Variants in ACTN3 observed in about 807,000 individuals in gnomAD.
ACTN3 encodes alpha-actinin-3.
Under a neutral mutation model 119.6 loss-of-function variants are expected in ACTN3, and 91 were observed. The ratio of observed to expected loss-of-function variants is 0.76; its 90% CI spans 0.64 to 0.91. ACTN3 has a LOEUF of 0.91. Among genes scored for constraint, ACTN3 ranks in the 40% least tolerant of loss-of-function variants. ACTN3 has a pLI of 0.00. For missense variants in ACTN3, 1,221 were observed against 1,215.1 expected (o/e 1.00, Z -0.07); for synonymous variants, 456 against 478.8 (o/e 0.95, Z 0.62).
chr11:66,557,079 G>A, intron 8 of ACTN3, 54 bp from the exon 9 acceptor site: 2 of 1,516,182 alleles, frequency 1.3e-6, no homozygotes, highest in South Asian at 2.4e-5. Flanking sequence ...GGTTTTAAGG[G>A]CTTTACAGAA....
intron 20 of ACTN3, 32 bp downstream of exon 20, chr11:66,562,986 C>A: frequency 6.2e-7 from 1 of 1,608,852 alleles, no homozygotes; most frequent in Non-Finnish European, 8.5e-7. Flanking sequence ...GGCTGGTGGG[C>A]TAGGGCAGGG....
Position 66,561,550 on chromosome 11 carries a change from G to A in ACTN3, c.2088G>A (p.Lys696=), listed in dbSNP as rs768146787. The change falls in exon 17 of 21, where the codon AAG becomes AAA. Residue 696 remains lysine (K), a synonymous_variant. Coordinates refer to ENST00000513398, the MANE Select transcript of ACTN3 (RefSeq NM_001104.4). ...AGGAGCAGAACATTATCAACTACAA[G>A]ACTAACATTGACCGGCTGGAGGGTG... ...RQQEQNIINY[K]TNIDRLEGDH... 1.2e-6 allele frequency: 2 copies of A among 1,612,360 alleles called. No individual in the cohort carries two copies. Among genetic ancestry groups the A allele is most frequent in the Non-Finnish European group, 8.5e-7 (1 of 1,179,244 alleles).
At chr11:66,556,322 G>T in intron 8 of ACTN3, 92 bp downstream of exon 8, 1 of 1,262,802 alleles carries the variant, frequency 7.9e-7, no homozygotes, top group Non-Finnish European at 1.1e-6. Flanking sequence ...GACCACGGAG[G>T]TTGGAGTGCC....
intron 19 of ACTN3, 137 bp downstream of exon 19, chr11:66,562,459 C>A: frequency 9.2e-7 from 1 of 1,092,788 alleles, no homozygotes; most frequent in African/African-American, 1.6e-5. Flanking sequence ...TAGCAAGGCT[C>A]AGGGAGGTAA....
At chr11:66,554,709 T>A in intron 5 of ACTN3, 86 bp downstream of exon 5, 1 of 1,121,374 alleles carries the variant, frequency 8.9e-7, no homozygotes. Flanking sequence ...TGAAGGGCAC[T>A]GAGCTGGTCT....
In ACTN3 at chr11:66,555,338, T is replaced by C; in HGVS notation, c.689T>C (p.Leu230Pro). 1.2e-6 allele frequency: 2 copies of C among 1,614,138 alleles called. No individual in the cohort carries two copies. The highest frequency in any genetic ancestry group is 1.7e-6 in the Non-Finnish European group (2 of 1,179,980). ...GCCTTTGAGGTGGCAGAGAAATACC[T>C]GGACATCCCCAAGATGTTGGATGCA... Reference protein sequence around the residue: ...NTAFEVAEKYLDIPKMLDAED... With the variant: ...NTAFEVAEKYPDIPKMLDAED... Residue 230 changes from leucine to proline, a missense_variant, in exon 7 of 21, where the codon CTG becomes CCG. Physicochemically the swap from Leu to Pro is moderately conservative, Grantham distance 98. This residue lies in a region of ACTN3 where 48 missense variants were observed against 83.4 expected (regional missense o/e 0.58). Coordinates refer to ENST00000513398, the MANE Select transcript of ACTN3 (RefSeq NM_001104.4).
intron 7 of ACTN3, 83 bp from the exon 8 acceptor site, chr11:66,556,062 C>T: frequency 1.5e-6 from 2 of 1,317,448 alleles, no homozygotes; most frequent in South Asian, 2.7e-5. Flanking sequence ...TGGATGCTTC[C>T]AGCCCTCCCA....
Position 66,551,237 on chromosome 11 carries a change from A to G in ACTN3, c.148-2A>G, listed in dbSNP as rs2134918965. On this transcript the variant is annotated splice_acceptor_variant, in intron 1 of 20. Transcript: ENST00000513398. LOFTEE classifies it high-confidence loss of function. ...GGTTTGAGTGCTGTCCTCTGCCCCTAGACCTTCACTGCCTGGTGCAACTCA... is the reference window on the plus strand; with the variant it reads ...GGTTTGAGTGCTGTCCTCTGCCCCTGGACCTTCACTGCCTGGTGCAACTCA... The G allele has an allele frequency of 6.2e-7, 1 of 1,605,096 alleles. No homozygotes were observed. Among genetic ancestry groups the G allele is most frequent in the East Asian group, 2.2e-5 (1 of 44,594 alleles).
At chr11:66,556,519 G>A (rs999591524) in intron 8 of ACTN3, among the ~76,000 whole-genome samples, 2 of 152,152 alleles carry the variant, frequency 1.3e-5, no homozygotes, top group Non-Finnish European at 2.9e-5. Flanking sequence ...GCGTGATCAC[G>A]GCTCATTGCT....
In ACTN3 at chr11:66,563,056, C is replaced by A. The variant is rs1857829765; in HGVS notation, c.2569C>A (p.Leu857Met). ...GDKNYITPEELRRELPAKQAE... is the reference protein window; with the variant it reads ...GDKNYITPEEMRRELPAKQAE... Reference sequence around the variant, plus strand: ...CCAGAACTACATCACCCCCGAGGAGCTGCGGCGCGAGCTCCCTGCCAAGCA... The same window carrying A: ...CCAGAACTACATCACCCCCGAGGAGATGCGGCGCGAGCTCCCTGCCAAGCA... Residue 857 changes from leucine to methionine, a missense_variant, in exon 21 of 21, where the codon CTG (leucine) becomes ATG (methionine). Leu to Met is a conservative substitution (Grantham distance 15). Around this residue, in one of 3 missense-constraint regions of ACTN3, gnomAD observed 934 missense variants for 899.9 expected, o/e 1.04. Transcript: ENST00000513398. 1.2e-6 allele frequency: 2 copies of A among 1,612,124 alleles called. No individual in the cohort carries two copies. Among genetic ancestry groups the A allele is most frequent in the Non-Finnish European group, 8.5e-7 (1 of 1,179,078 alleles).
intron 3 of ACTN3, 110 bp downstream of exon 3, chr11:66,551,757 C>G: frequency 6.8e-7 from 1 of 1,475,110 alleles, no homozygotes; most frequent in Non-Finnish European, 9.2e-7. Flanking sequence ...AGAATAATCC[C>G]TGCCTCGCAA....
intron 8 of ACTN3, among the ~76,000 whole-genome samples, chr11:66,556,540 C>T (rs1288043922): frequency 6.6e-6 from 1 of 152,072 alleles, no homozygotes; most frequent in Non-Finnish European, 1.5e-5. Flanking sequence ...GCCTTGACCT[C>T]AGCCTCCTGC....
chr11:66,554,248 A>T, intron 4 of ACTN3, 117 bp downstream of exon 4: 1 of 605,724 alleles, frequency 1.7e-6, no homozygotes, highest in Non-Finnish European at 2.8e-6. Flanking sequence ...GTTCAAGACC[A>T]GCCTGGACAA....
rs779747275 is a variant in ACTN3, at chr11:66,559,263, A to G, written c.1304A>G (p.Asp435Gly). 1 of 1,561,522 alleles carries G rather than the reference A, an allele frequency of 6.4e-7. No homozygotes were observed. The highest frequency in any genetic ancestry group is 8.7e-7 in the Non-Finnish European group (1 of 1,155,876). The change falls in exon 12 of 21, where the codon GAC becomes GGC. Residue 435 changes from aspartate to glycine, a missense_variant. Asp to Gly is a moderately conservative substitution (Grantham distance 94). Around this residue, in one of 3 missense-constraint regions of ACTN3, gnomAD observed 934 missense variants for 899.9 expected, o/e 1.04. Transcript: ENST00000513398. Reference protein sequence around the residue: ...RGKEEMLSQRDYDSALLQEVR... With the variant: ...RGKEEMLSQRGYDSALLQEVR... ...AAGGAGGAGATGCTGAGCCAGCGCG[A>G]CTACGATTCGGCTTTGCTACAGGAG... is the stretch of plus-strand genomic sequence containing the variant.
At position 66,563,243 on chromosome 11, in the gene ACTN3, T is replaced by G. The variant is rs1381671653; in HGVS notation, c.*50T>G. 1 of 1,538,660 alleles carries G rather than the reference T, an allele frequency of 6.5e-7. No homozygotes were observed. The highest frequency in any genetic ancestry group is 8.8e-7 in the Non-Finnish European group (1 of 1,140,616). On this transcript the variant is annotated 3_prime_UTR_variant, in exon 21 of 21. Coordinates refer to ENST00000513398, the MANE Select transcript of ACTN3 (RefSeq NM_001104.4). ...CAAGATGGAGAGAGGATGCACCCTG[T>G]GGCTGATCCCATCCGTCCCTCGGAG...
chr11:66,555,302 A>T lies in ACTN3; in HGVS notation c.653A>T (p.Asn218Ile). The T allele has an allele frequency of 1.2e-6, 2 of 1,614,072 alleles. No homozygotes were observed. The highest frequency in any genetic ancestry group is 1.7e-6 in the Non-Finnish European group (2 of 1,179,954). ...AKLRKDDPIGNLNTAFEVAEK... is the reference protein window; with the variant it reads ...AKLRKDDPIGILNTAFEVAEK... ...CCCTTCTAGGATGACCCCATCGGAA[A>T]CCTGAACACTGCCTTTGAGGTGGCA... is the stretch of plus-strand genomic sequence containing the variant. Residue 218 changes from asparagine (N) to isoleucine (I), a missense_variant, in exon 7 of 21, where the codon AAC becomes ATC. Asn to Ile is a moderately radical substitution (Grantham distance 149). Coordinates refer to ENST00000513398, the MANE Select transcript of ACTN3 (RefSeq NM_001104.4).
chr11:66,548,819 A>G (rs776975846), intron 1 of ACTN3, among the ~76,000 whole-genome samples: 2 of 151,960 alleles, frequency 1.3e-5, no homozygotes, highest in Non-Finnish European at 2.9e-5. Flanking sequence ...AGCCCCTGCC[A>G]TGGGAGCTTA....
chr11:66,559,451 C>T (rs1376224226), intron 12 of ACTN3, 65 bp downstream of exon 12: 26 of 1,379,060 alleles, frequency 1.9e-5, no homozygotes, highest in Non-Finnish European at 2.5e-5. Context: ...GCGAGCCCCA[C>T]CCTGATCCCC....
chr11:66,558,050 G>T lies in ACTN3; in HGVS notation c.1152G>T (p.Gly384=). 2 of 1,613,864 alleles carry T rather than the reference G, an allele frequency of 1.2e-6. No homozygotes were observed. The highest frequency in any genetic ancestry group is 1.7e-6 in the Non-Finnish European group (2 of 1,179,872). Residue 384 remains glycine, a synonymous_variant, in exon 11 of 21, where the codon GGG becomes GGT. Transcript: ENST00000513398. ...LVSDIANAWR[G]LEQVEKGYED... ...AGGACATCGCCAACGCCTGGCGGGG[G>T]CTGGAGCAGGTGGAAAAGGGCTATG...
Sources: gnomAD v4.1 joint callset for allele counts (sites outside exome capture counted in the v4.1 genomes callset) on GRCh38, gnomAD v4.1.1 for gene constraint, gnomAD v4.1.1 regional missense constraint, MANE v1.5 for transcripts, NCBI Gene and HGNC (gene_info 2026-07-23, HGNC 2026-07-21) for gene names.